The following RYR3 variants were observed in gnomAD, a reference collection of about 807,000 sequenced individuals.
RYR3 encodes ryanodine receptor 3.
RYR3 carries 207 observed loss-of-function variants against 584.3 expected under a neutral mutation model. That is an observed-to-expected ratio of 0.35 (90% confidence interval 0.32 to 0.40). The LOEUF is 0.40. Ranked by LOEUF, RYR3 falls within the 10% of genes least tolerant of loss-of-function variation. The probability of loss-of-function intolerance (pLI) is 1.00; values close to 1 mark genes in which losing one functional copy is unlikely to be tolerated. For missense variants in RYR3, 5,616 were observed against 6,089.2 expected (o/e 0.92, Z 2.59); for synonymous variants, 2,416 against 2,248.5 (o/e 1.07, Z -2.11).
chr15:33,737,266 CT>C (rs1220566969), intron 49 of RYR3, among the ~76,000 whole-genome samples: 3 of 151,906 alleles, frequency 2.0e-5, no homozygotes, highest in Admixed American at 6.6e-5. Context: ...CTGGCCTTCC[CT>C]TTTTTTTATT....
intron 1 of RYR3, among the ~76,000 whole-genome samples, chr15:33,324,678 T>C (rs1366912926): frequency 6.6e-6 from 1 of 152,170 alleles, no homozygotes; most frequent in East Asian, 1.9e-4. Flanking sequence ...GTGCTTAGCA[T>C]ATAGTAGGTC....
At chr15:33,613,809 C>T (rs1474628848) in intron 19 of RYR3, among the ~76,000 whole-genome samples, 3 of 151,944 alleles carry the variant, frequency 2.0e-5, no homozygotes, top group Non-Finnish European at 4.4e-5. Flanking sequence ...GGTATTACAC[C>T]GAATATGAAG....
intron 66 of RYR3, among the ~76,000 whole-genome samples, chr15:33,786,743 A>G (rs1359112464): frequency 6.6e-6 from 1 of 152,210 alleles, no homozygotes; most frequent in Non-Finnish European, 1.5e-5. Flanking sequence ...CACCAGTAAC[A>G]TCTTTACCCA....
intron 43 of RYR3, 38 bp from the exon 44 acceptor site, chr15:33,722,677 C>A (rs752460311): frequency 1.3e-6 from 2 of 1,580,298 alleles, no homozygotes; most frequent in South Asian, 1.1e-5. Context: ...TGGGGTTGTC[C>A]TTTTCATTGA....
intron 77 of RYR3, 142 bp from the exon 78 acceptor site, chr15:33,820,614 A>G: frequency 4.6e-6 from 3 of 655,970 alleles, no homozygotes; most frequent in Non-Finnish European, 7.8e-6. Flanking sequence ...AGTGGCCAAA[A>G]TGTTCCTGGC....
At chr15:33,538,130 ATCT>A (rs1265727587) in intron 5 of RYR3, among the ~76,000 whole-genome samples, 4 of 151,872 alleles carry the variant, frequency 2.6e-5, no homozygotes, top group African/African-American at 9.7e-5. Context: ...GTTCTTTATA[ATCT>A]TTGCTTTCTC....
chr15:33,643,110 C>A (rs1324853816), intron 27 of RYR3, among the ~76,000 whole-genome samples: 1 of 152,176 alleles, frequency 6.6e-6, no homozygotes, highest in East Asian at 1.9e-4. Context: ...AAAGTTTTTA[C>A]TGTTAGATGT....
intron 2 of RYR3, among the ~76,000 whole-genome samples, chr15:33,503,012 G>T (rs2052134312): frequency 6.6e-6 from 1 of 152,164 alleles, no homozygotes; most frequent in South Asian, 2.1e-4. Flanking sequence ...CCCAGAATAG[G>T]CATGAATGTC....
chr15:33,761,227 A>G (rs555452226), intron 60 of RYR3, among the ~76,000 whole-genome samples: 99 of 152,326 alleles, frequency 6.5e-4, no homozygotes, highest in African/African-American at 2.3e-3. Context: ...TTCAAAAGCT[A>G]GCAGAAGACA....
intron 69 of RYR3, among the ~76,000 whole-genome samples, chr15:33,805,078 C>T (rs1018274356): frequency 3.3e-5 from 5 of 152,166 alleles, no homozygotes; most frequent in African/African-American, 7.2e-5. Context: ...GTGTATATAA[C>T]ACCAGTTTGC....
chr15:33,749,937 G>T (rs753542621), intron 55 of RYR3, 42 bp from the exon 56 acceptor site: 21 of 1,582,556 alleles, frequency 1.3e-5, no homozygotes, highest in Non-Finnish European at 1.7e-6. Flanking sequence ...CAGCTTGCCT[G>T]CTTTCTTTCT....
At chr15:33,322,699 G>A (rs1185960090) in intron 1 of RYR3, among the ~76,000 whole-genome samples, 6 of 152,044 alleles carry the variant, frequency 3.9e-5, no homozygotes, top group African/African-American at 2.4e-5. Flanking sequence ...TACAATCTAT[G>A]TAAGTTTTGT....
intron 60 of RYR3, among the ~76,000 whole-genome samples, chr15:33,759,465 G>A (rs150746621): frequency 0.024 from 3,660 of 152,270 alleles, 61 homozygotes; most frequent in African/African-American, 0.04. Flanking sequence ...ACCTGATGGA[G>A]CTGAAAAACA....
chr15:33,465,696 G>GT (rs1362096514), intron 1 of RYR3: 5 of 518,878 alleles, frequency 9.6e-6, no homozygotes, highest in Non-Finnish European at 1.9e-5. Flanking sequence ...TGAGAAACAA[G>GT]TTTGGAGGTG....
chr15:33,383,274 T>C (rs2041331936), intron 1 of RYR3, among the ~76,000 whole-genome samples: 1 of 147,354 alleles, frequency 6.8e-6, no homozygotes, highest in African/African-American at 2.5e-5. Flanking sequence ...CTGCCAGCTT[T>C]GTATTGTTGT....
chr15:33,844,480 A>G (rs1596975413), intron 92 of RYR3, among the ~76,000 whole-genome samples: 1 of 152,176 alleles, frequency 6.6e-6, no homozygotes, highest in Non-Finnish European at 1.5e-5. Flanking sequence ...GCTGGGTGGC[A>G]GTGGTGGGTG....
intron 1 of RYR3, among the ~76,000 whole-genome samples, chr15:33,437,302 T>C (rs2045821935): frequency 6.6e-6 from 1 of 152,220 alleles, no homozygotes; most frequent in Non-Finnish European, 1.5e-5. Flanking sequence ...GGACCTAGGC[T>C]CCTTTTACAT....
chr15:33,490,574 T>C (rs1422065914), intron 2 of RYR3, among the ~76,000 whole-genome samples: 1 of 152,174 alleles, frequency 6.6e-6, no homozygotes, highest in Non-Finnish European at 1.5e-5. Flanking sequence ...ATTTGAATTA[T>C]TACCCTAATA....
intron 75 of RYR3, 110 bp downstream of exon 75, chr15:33,817,068 G>T (rs2288610): frequency 0.65 from 425,022 of 654,960 alleles, 139,370 homozygotes; most frequent in South Asian, 0.76. Flanking sequence ...TGTGTATACA[G>T]TTGAAAAGCA....
Sources: allele counts gnomAD v4.1 joint callset (sites outside exome capture counted in the v4.1 genomes callset), GRCh38; gene constraint gnomAD v4.1.1; transcripts MANE v1.5; gene names NCBI Gene and HGNC (gene_info 2026-07-23, HGNC 2026-07-21).